NPSR1: variants seen among roughly 807,000 people sequenced by gnomAD.
The protein encoded by NPSR1 is neuropeptide S receptor.
Under a neutral mutation model 46.9 loss-of-function variants are expected in NPSR1, and 48 were observed. The observed-to-expected ratio is 1.02, with a 90% CI of 0.81 to 1.30. NPSR1 has a LOEUF of 1.30. Among genes scored for constraint, NPSR1 ranks in the 50% most tolerant of loss-of-function variants. The pLI, the probability that NPSR1 is intolerant of heterozygous loss-of-function variation, is 0.00. For synonymous variants in NPSR1, 176 were observed against 168.1 expected, an observed-to-expected ratio of 1.05 and a Z score of -0.36; for missense variants, 450 against 449.5, an observed-to-expected ratio of 1.00 and a Z score of -0.01.
At chr7:34,669,550 C>T (rs535035962) in intron 1 of NPSR1, among the ~76,000 whole-genome samples, 1 of 147,652 alleles carries the variant, frequency 6.8e-6, no homozygotes, top group Non-Finnish European at 1.5e-5. Context: ...GCCTGGGCGA[C>T]AGAGCGAGAC....
chr7:34,776,591 T>A (rs1381844272), intron 2 of NPSR1, among the ~76,000 whole-genome samples: 1 of 152,208 alleles, frequency 6.6e-6, no homozygotes, highest in Non-Finnish European at 1.5e-5. Context: ...TACATATGCC[T>A]TATGTCTTTA....
intron 1 of NPSR1, among the ~76,000 whole-genome samples, chr7:34,661,997 C>T (rs987471970): frequency 2.0e-5 from 3 of 152,170 alleles, no homozygotes; most frequent in Admixed American, 2.0e-4. Context: ...CTTAATTTTG[C>T]TGGTGAATTC....
At position 34,765,740 on chromosome 7, in the gene NPSR1, T is replaced by C. The variant is rs1786397367; in HGVS notation, c.281-12722T>C. ...GCAGTCGTAGAAAAGAATGAAATCA[T>C]GTCTTTACAGCAACTTGGATGCATC... On this transcript the variant is annotated intron_variant, in intron 2 of 8. Transcript: ENST00000360581. Among the ~76,000 whole-genome samples the C allele has an allele frequency of 3.9e-5, 6 of 152,228 alleles. 1 individual carries two copies. Among genetic ancestry groups the C allele is most frequent in the Admixed American group, 3.9e-4 (6 of 15,286 alleles).
chr7:34,689,338 G>A (rs1793099586), intron 2 of NPSR1, among the ~76,000 whole-genome samples: 4 of 152,286 alleles, frequency 2.6e-5, no homozygotes, highest in South Asian at 4.1e-4. Context: ...AGGCACAGTG[G>A]CTCACGCCTG....
intron 8 of NPSR1, among the ~76,000 whole-genome samples, chr7:34,856,715 T>G (rs957744027): frequency 1.3e-5 from 2 of 151,792 alleles, no homozygotes; most frequent in Non-Finnish European, 2.9e-5. Context: ...TGATAGACTT[T>G]AGTCTTCCTT....
At chr7:34,847,043 G>A (rs571022878) in intron 7 of NPSR1, among the ~76,000 whole-genome samples, 11 of 152,242 alleles carry the variant, frequency 7.2e-5, no homozygotes, top group South Asian at 4.2e-4. Context: ...ACTGTTCAGC[G>A]CCAGTGTTTG....
At chr7:34,705,248 G>C (rs1163250135) in intron 2 of NPSR1, among the ~76,000 whole-genome samples, 2 of 151,876 alleles carry the variant, frequency 1.3e-5, no homozygotes, top group Admixed American at 1.3e-4. Context: ...TCAATATGGT[G>C]AAACCCCGTC....
chr7:34,871,482 A>G (rs758368351), intron 8 of NPSR1: 4 of 151,822 alleles, frequency 2.6e-5, no homozygotes, highest in African/African-American at 4.9e-5. Flanking sequence ...TTCTCACATT[A>G]CAAAATACAA....
At chr7:34,715,160 T>G (rs1783498636) in intron 2 of NPSR1, among the ~76,000 whole-genome samples, 1 of 152,226 alleles carries the variant, frequency 6.6e-6, no homozygotes, top group Non-Finnish European at 1.5e-5. Flanking sequence ...AGCAGAGATA[T>G]GACGGCCTCA....
chr7:34,836,552 C>A (rs1225904075), intron 6 of NPSR1, among the ~76,000 whole-genome samples: 1 of 150,930 alleles, frequency 6.6e-6, no homozygotes, highest in Admixed American at 6.6e-5. Flanking sequence ...GAAATACACT[C>A]CTTATGAAAC....
intron 8 of NPSR1, among the ~76,000 whole-genome samples, chr7:34,872,876 A>G (rs2893486): frequency 0.087 from 13,254 of 151,762 alleles, 1,842 homozygotes; most frequent in African/African-American, 0.27. Flanking sequence ...ATCAGCTAGC[A>G]TGAAAATTTT....
chr7:34,784,448 G>T (rs563819728), intron 3 of NPSR1, among the ~76,000 whole-genome samples: 1 of 152,096 alleles, frequency 6.6e-6, no homozygotes, highest in South Asian at 2.1e-4. Context: ...TAATCATGTG[G>T]TTTTTGTCTT....
chr7:34,747,596 AC>A (rs1289471137), intron 2 of NPSR1, among the ~76,000 whole-genome samples: 1 of 151,706 alleles, frequency 6.6e-6, no homozygotes, highest in African/African-American at 2.4e-5. Flanking sequence ...GATACCAAGA[AC>A]CAGGCATCTT....
chr7:34,780,939 A>G (rs548698726), intron 3 of NPSR1, among the ~76,000 whole-genome samples: 3 of 152,314 alleles, frequency 2.0e-5, no homozygotes, highest in Non-Finnish European at 4.4e-5. Flanking sequence ...AAGGTATTGG[A>G]TAATAGTCAG....
chr7:34,737,714 T>G (rs1453657350), intron 2 of NPSR1, among the ~76,000 whole-genome samples: 1 of 152,216 alleles, frequency 6.6e-6, no homozygotes, highest in East Asian at 1.9e-4. Flanking sequence ...TCAGTCTCTT[T>G]TATTGGTTCC....
chr7:34,872,724 T>C (rs769081652), intron 8 of NPSR1, among the ~76,000 whole-genome samples: 3 of 151,618 alleles, frequency 2.0e-5, no homozygotes, highest in Non-Finnish European at 4.4e-5. Context: ...TATAAAACGA[T>C]CAGGTCTCAT....
At chr7:34,705,195 G>A (rs901756629) in intron 2 of NPSR1, among the ~76,000 whole-genome samples, 1 of 152,088 alleles carries the variant, frequency 6.6e-6, no homozygotes, top group Admixed American at 6.6e-5. Flanking sequence ...GGGAGGCTGA[G>A]GCGGGCAGAT....
chr7:34,732,162 T>C (rs1250585974), intron 2 of NPSR1, among the ~76,000 whole-genome samples: 1 of 151,836 alleles, frequency 6.6e-6, no homozygotes, highest in Non-Finnish European at 1.5e-5. Flanking sequence ...AAGTCTATCA[T>C]GTAACAGGGC....
At position 34,834,176 on chromosome 7, in the gene NPSR1, T is replaced by C. The variant is rs10255999; in HGVS notation, c.681-208T>C. 4,298 of 578,186 alleles carry C rather than the reference T, an allele frequency of 7.4e-3. 126 individuals are homozygous for C. Among genetic ancestry groups the C allele is most frequent in the African/African-American group, 0.066 (3,525 of 53,432 alleles). The allele number at this position is 578,186 out of a possible 1,614,324, so 35.8% of individuals were successfully genotyped here. On this transcript the variant is annotated intron_variant, in intron 5 of 8. Coordinates refer to ENST00000360581, the MANE Select transcript of NPSR1 (RefSeq NM_207172.2). ...ATAACTTTACCAGGTCTTAGCCTCC[T>C]CACTTAAGAAAGAAGTAACTCCATC...
Sources: gnomAD v4.1 joint callset for allele counts (sites outside exome capture counted in the v4.1 genomes callset) on GRCh38, gnomAD v4.1.1 for gene constraint, MANE v1.5 for transcripts, NCBI Gene and HGNC (gene_info 2026-07-23, HGNC 2026-07-21) for gene names.